Variants in MRPS5 observed in about 807,000 individuals in gnomAD.
MRPS5 encodes mitochondrial ribosomal protein S5, also known as small ribosomal subunit protein uS5m.
In MRPS5, 27 loss-of-function variants were observed where a neutral mutation model predicts 51.9. The observed-to-expected ratio is 0.52, with a 90% CI of 0.38 to 0.72. The LOEUF (loss-of-function observed/expected upper bound fraction) is 0.72. Among genes scored for constraint, MRPS5 ranks in the 30% least tolerant of loss-of-function variants. The probability of loss-of-function intolerance (pLI) is 0.00; values close to 1 mark genes in which losing one functional copy is unlikely to be tolerated. For missense variants in MRPS5, 570 were observed against 545.7 expected (o/e 1.04, Z -0.44); for synonymous variants, 196 against 193.2 (o/e 1.01, Z -0.12).
chr2:95,121,749 A>C lies in MRPS5; in HGVS notation c.43T>G (p.Cys15Gly). ...VRAVGCLPVLCSGTAGHLLGR... is the reference protein window; with the variant it reads ...VRAVGCLPVLGSGTAGHLLGR... Reference sequence around the variant, plus strand: ...CAGCTCTCACCTGCCGTCCCGCTACACAGCACGGGGAGGCAGCCCACAGCG... The same window carrying C: ...CAGCTCTCACCTGCCGTCCCGCTACCCAGCACGGGGAGGCAGCCCACAGCG... The change falls in exon 1 of 12, where the codon TGT (cysteine) becomes GGT (glycine). Residue 15 changes from cysteine (C) to glycine (G), a missense_variant. By Grantham distance (159) the Cys-to-Gly change is radical (BLOSUM62 -3). Transcript: ENST00000272418. 3.9e-6 allele frequency: 6 copies of C among 1,553,122 alleles called. No individual in the cohort carries two copies. The highest frequency in any genetic ancestry group is 5.2e-6 in the Non-Finnish European group (6 of 1,158,456).
intron 10 of MRPS5, among the ~76,000 whole-genome samples, chr2:95,094,594 G>C (rs1573328525): frequency 6.6e-6 from 1 of 151,922 alleles, no homozygotes; most frequent in African/African-American, 2.4e-5. Context: ...ATTCTTAAAA[G>C]AATTTTCAAC....
At chr2:95,098,475 T>C (rs1202832685) in intron 10 of MRPS5, among the ~76,000 whole-genome samples, 1 of 152,130 alleles carries the variant, frequency 6.6e-6, no homozygotes, top group Non-Finnish European at 1.5e-5. Context: ...ATTAAGAAAA[T>C]GTGGTACATA....
At chr2:95,118,893 C>G (rs1264706695) in intron 1 of MRPS5, among the ~76,000 whole-genome samples, 1 of 152,024 alleles carries the variant, frequency 6.6e-6, no homozygotes, top group Non-Finnish European at 1.5e-5. Context: ...AACGATGAAA[C>G]TTAGAAGAAA....
At chr2:95,116,015 C>A (rs1344782852) in intron 2 of MRPS5, among the ~76,000 whole-genome samples, 1 of 151,670 alleles carries the variant, frequency 6.6e-6, no homozygotes, top group African/African-American at 2.4e-5. Flanking sequence ...CAGCGATTCT[C>A]CTGCCTCAGC....
At chr2:95,099,364 C>T (rs1159975234) in intron 10 of MRPS5, among the ~76,000 whole-genome samples, 1 of 151,862 alleles carries the variant, frequency 6.6e-6, no homozygotes, top group Non-Finnish European at 1.5e-5. Context: ...CAAATGTTCT[C>T]ATAGATGCAT....
At chr2:95,112,617 A>G (rs1214278843) in intron 3 of MRPS5, among the ~76,000 whole-genome samples, 1 of 152,204 alleles carries the variant, frequency 6.6e-6, no homozygotes, top group East Asian at 1.9e-4. Flanking sequence ...ACTATTTCCT[A>G]CTGAAACAGC....
rs1356630575 is a variant in MRPS5 at position 95,086,675 on chromosome 2, A to G, written c.*682T>C. On this transcript the variant is annotated 3_prime_UTR_variant, in exon 12 of 12. Transcript: ENST00000272418. ...ACAGAATGGGTAAAAACTTCTGTAA[A>G]GCATGTATGATAGGGGGGCTTATAT... Among the ~76,000 whole-genome samples the G allele has an allele frequency of 6.6e-6, 1 of 152,224 alleles. No individual in the cohort carries two copies. The highest frequency in any genetic ancestry group is 2.4e-5 in the African/African-American group (1 of 41,464).
chr2:95,106,959 G>T (rs1423620444), intron 5 of MRPS5, among the ~76,000 whole-genome samples: 2 of 152,080 alleles, frequency 1.3e-5, no homozygotes, highest in African/African-American at 4.8e-5. Flanking sequence ...AAATCCATGA[G>T]CCCCAATTCC....
At position 95,086,645 on chromosome 2, in the gene MRPS5, A is replaced by G. The variant is rs1278074660; in HGVS notation, c.*712T>C. Among the ~76,000 whole-genome samples the G allele has an allele frequency of 6.6e-6, 1 of 152,186 alleles. No individual in the cohort carries two copies. Among genetic ancestry groups the G allele is most frequent in the Non-Finnish European group, 1.5e-5 (1 of 68,040 alleles). ...TATGCAAAGAAATAAAAATATATAT[A>G]TTCCACAGAATGGGTAAAAACTTCT... On this transcript the variant is annotated 3_prime_UTR_variant, in exon 12 of 12. Coordinates refer to ENST00000272418, the MANE Select transcript of MRPS5 (RefSeq NM_031902.5).
At chr2:95,096,490 A>G (rs1449052909) in intron 10 of MRPS5, among the ~76,000 whole-genome samples, 1 of 152,206 alleles carries the variant, frequency 6.6e-6, no homozygotes, top group Non-Finnish European at 1.5e-5. Flanking sequence ...CTTATCCACC[A>G]CGATCAAGCC....
At chr2:95,090,284 C>T (rs1675424060) in intron 11 of MRPS5, 102 bp downstream of exon 11, 7 of 1,259,234 alleles carry the variant, frequency 5.6e-6, no homozygotes, top group Non-Finnish European at 7.7e-6. Context: ...CTCAGGTGGC[C>T]CCAGGAAAGC....
intron 3 of MRPS5, among the ~76,000 whole-genome samples, chr2:95,112,092 C>T (rs1676137318): frequency 6.6e-6 from 1 of 151,886 alleles, no homozygotes; most frequent in Non-Finnish European, 1.5e-5. Flanking sequence ...GAGATGGAGT[C>T]TCACTCTTGT....
intron 6 of MRPS5, 42 bp downstream of exon 6, chr2:95,106,381 C>T (rs764799726): frequency 4.0e-5 from 59 of 1,460,390 alleles, no homozygotes; most frequent in Non-Finnish European, 5.7e-5. Flanking sequence ...CCACCCCAAC[C>T]TCTCCAAAGG....
At chr2:95,087,643 G>T in intron 11 of MRPS5, 62 bp from the exon 12 acceptor site, 1 of 1,431,068 alleles carries the variant, frequency 7.0e-7, no homozygotes, top group South Asian at 1.3e-5. Flanking sequence ...TAAAGAGCAG[G>T]AACTTCCACA....
chr2:95,087,508 G>C lies in MRPS5; in HGVS notation c.1142C>G (p.Pro381Arg). 1 of 1,614,188 alleles carries C rather than the reference G, an allele frequency of 6.2e-7. No individual in the cohort carries two copies. Among genetic ancestry groups the C allele is most frequent in the Non-Finnish European group, 8.5e-7 (1 of 1,180,034 alleles). Residue 381 changes from proline (P) to arginine (R), a missense_variant, in exon 12 of 12, where the codon CCC (proline) becomes CGC (arginine). Transcript: ENST00000272418. ...VEIREECGPL[P>R]IVVASPRGPL... ...CCCCCGGGGGGACGCAACCACAATG[G>C]GCAGAGGGCCACATTCCTCCCGGAT... is the stretch of plus-strand genomic sequence containing the variant.
At chr2:95,096,148 C>T (rs1208313641) in intron 10 of MRPS5, among the ~76,000 whole-genome samples, 4 of 152,160 alleles carry the variant, frequency 2.6e-5, no homozygotes, top group African/African-American at 9.6e-5. Flanking sequence ...GAAGTTGAAT[C>T]GCTGAATAGA....
chr2:95,087,996 A>C (rs1444499408), intron 11 of MRPS5, among the ~76,000 whole-genome samples: 1 of 138,034 alleles, frequency 7.2e-6, no homozygotes, highest in Non-Finnish European at 1.5e-5. Context: ...TACAAAACAA[A>C]CAACCTGGTT....
chr2:95,101,607 T>A, intron 8 of MRPS5, 70 bp downstream of exon 8: 1 of 1,211,656 alleles, frequency 8.3e-7, no homozygotes, highest in African/African-American at 1.5e-5. Context: ...GTTTTGTGGT[T>A]CCCACTGTGT....
intron 8 of MRPS5, among the ~76,000 whole-genome samples, chr2:95,101,109 C>A (rs766997630): frequency 5.0e-4 from 76 of 152,158 alleles, no homozygotes; most frequent in Non-Finnish European, 2.6e-4. Flanking sequence ...CCTGGCTAGG[C>A]ATGGTGGCTC....
Sources: allele counts gnomAD v4.1 joint callset (sites outside exome capture counted in the v4.1 genomes callset), GRCh38; gene constraint gnomAD v4.1.1; transcripts MANE v1.5; gene names NCBI Gene and HGNC (gene_info 2026-07-23, HGNC 2026-07-21).